Variants in CPO observed in about 807,000 individuals in gnomAD.
The protein encoded by CPO is metallocarboxypeptidase C.
Under a neutral mutation model 41.2 loss-of-function variants are expected in CPO, and 43 were observed. That is an observed-to-expected ratio of 1.04 (90% CI 0.82 to 1.35). The LOEUF (loss-of-function observed/expected upper bound fraction) is 1.35. Among genes scored for constraint, CPO ranks in the 40% most tolerant of loss-of-function variants. The pLI is 0.00. For missense variants in CPO, 408 were observed against 451.7 expected (o/e 0.90, Z 0.88); for synonymous variants, 178 against 162.7 (o/e 1.09, Z -0.72).
chr2:206,958,163 G>T (rs1265631753), intron 3 of CPO, 138 bp from the exon 4 acceptor site: 3 of 559,234 alleles, frequency 5.4e-6, no homozygotes, highest in Non-Finnish European at 9.5e-6. Flanking sequence ...TGTCTCATTA[G>T]CATCCTTGCC....
At chr2:206,948,314 A>G (rs190509360) in intron 1 of CPO, among the ~76,000 whole-genome samples, 2 of 152,358 alleles carry the variant, frequency 1.3e-5, no homozygotes, top group South Asian at 2.1e-4. Flanking sequence ...CTATTCAGTG[A>G]AAGAAGTCAA....
chr2:206,968,497 G>A, intron 8 of CPO, 150 bp downstream of exon 8: 2 of 634,094 alleles, frequency 3.2e-6, no homozygotes, highest in South Asian at 1.9e-5. Flanking sequence ...ATAAAAGGGA[G>A]TCTGTACAAA....
chr2:206,943,677 TAGA>T (rs1317958033), intron 1 of CPO, among the ~76,000 whole-genome samples: 9 of 62,536 alleles, frequency 1.4e-4, no homozygotes, highest in African/African-American at 6.5e-4. Flanking sequence ...AGATAGATGA[TAGA>T]TAGATAGATA....
At chr2:206,963,049 C>G (rs1693510320) in intron 7 of CPO, among the ~76,000 whole-genome samples, 1 of 152,230 alleles carries the variant, frequency 6.6e-6, no homozygotes, top group African/African-American at 2.4e-5. Context: ...GCTCTCTTCT[C>G]TGCTAAACAC....
In CPO at chr2:206,959,702, A is replaced by T. The variant is rs142929808; in HGVS notation, c.444A>T (p.Pro148=). 4.5e-6 allele frequency: 7 copies of T among 1,569,328 alleles called. No individual in the cohort carries two copies. Among genetic ancestry groups the T allele is most frequent in the Non-Finnish European group, 6.1e-6 (7 of 1,139,342 alleles). Residue 148 remains proline, a synonymous_variant, in exon 5 of 9, where the codon CCA becomes CCT. Transcript: ENST00000272852. The stretch of plus-strand genomic sequence containing the variant: ...GGAACCTGGACTTCTATGTCCTTCC[A>T]GTTCTTAACATAGATGGTTATATCT... ...LLRNLDFYVL[P]VLNIDGYIYT... is the part of the protein sequence containing the mutation.
At chr2:206,966,501 T>C (rs1249113974) in intron 7 of CPO, among the ~76,000 whole-genome samples, 1 of 152,150 alleles carries the variant, frequency 6.6e-6, no homozygotes, top group Non-Finnish European at 1.5e-5. Flanking sequence ...GCAGCTACCC[T>C]GAATCCTGCC....
At chr2:206,959,442 C>G (rs866240604) in intron 4 of CPO, among the ~76,000 whole-genome samples, 189 bp from the exon 5 acceptor site, 1 of 152,052 alleles carries the variant, frequency 6.6e-6, no homozygotes, top group African/African-American at 2.4e-5. Context: ...CTTAACAGGT[C>G]CCTCAGTGAT....
At chr2:206,961,329 A>G (rs1381522882) in intron 6 of CPO, among the ~76,000 whole-genome samples, 2 of 152,176 alleles carry the variant, frequency 1.3e-5, no homozygotes, top group Non-Finnish European at 2.9e-5. Context: ...TCCTTATGGC[A>G]TTTTCATGTT....
rs182170608 is a variant in CPO, at chr2:206,948,811, C to A, written c.69-806C>A. ...TTATACTGTAATGGTAAATATGTGT[C>A]ACCAAACATATGTCAGAATCCATTC... is the stretch of plus-strand genomic sequence containing the variant. On this transcript the variant is annotated intron_variant, in intron 1 of 8. Transcript: ENST00000272852. Among the ~76,000 whole-genome samples the A allele has an allele frequency of 2.1e-3, 325 of 152,234 alleles. 1 individual carries two copies. The highest frequency in any genetic ancestry group is 7.6e-3 in the African/African-American group (316 of 41,548).
In CPO at chr2:206,958,406, G is replaced by T. The variant is rs566620111; in HGVS notation, c.372+1G>T. The T allele has an allele frequency of 6.5e-7, 1 of 1,549,420 alleles. No individual in the cohort carries two copies. The highest frequency in any genetic ancestry group is 1.7e-5 in the Admixed American group (1 of 57,874). On this transcript the variant is annotated splice_donor_variant, in intron 4 of 8. Transcript: ENST00000272852. LOFTEE classifies it high-confidence loss of function. ...TTTTTGCCAATGGTTCGTCAAAGAA[G>T]TAAGTGTCTTTAGCTTTCTCATACT... is the stretch of plus-strand genomic sequence containing the variant.
intron 7 of CPO, among the ~76,000 whole-genome samples, chr2:206,965,997 G>T (rs1055282922): frequency 1.5e-4 from 23 of 152,050 alleles, no homozygotes; most frequent in African/African-American, 5.3e-4. Flanking sequence ...GCTAAGCTGA[G>T]GATCACAACT....
chr2:206,962,149 T>C (rs1448965634), intron 6 of CPO, among the ~76,000 whole-genome samples: 2 of 152,038 alleles, frequency 1.3e-5, no homozygotes, highest in African/African-American at 2.4e-5. Context: ...CATTTCATTT[T>C]GTATCCCCTT....
At chr2:206,967,353 A>C (rs200473959) in intron 7 of CPO, among the ~76,000 whole-genome samples, 3 of 103,914 alleles carry the variant, frequency 2.9e-5, no homozygotes, top group Non-Finnish European at 5.8e-5. Context: ...ATATATATAG[A>C]TATATAGATA....
intron 7 of CPO, among the ~76,000 whole-genome samples, chr2:206,964,511 T>C (rs937008247): frequency 9.9e-5 from 15 of 152,202 alleles, no homozygotes; most frequent in Admixed American, 2.6e-4. Flanking sequence ...CTAGAACTCA[T>C]GTCTTTAGAC....
chr2:206,964,289 G>T (rs1487556079), intron 7 of CPO, among the ~76,000 whole-genome samples: 1 of 152,066 alleles, frequency 6.6e-6, no homozygotes, highest in East Asian at 1.9e-4. Flanking sequence ...TTCTTTTCTT[G>T]GTCCAGGAAC....
At chr2:206,950,914 C>T (rs1025144553) in intron 2 of CPO, among the ~76,000 whole-genome samples, 11 of 102,184 alleles carry the variant, frequency 1.1e-4, no homozygotes, top group East Asian at 6.1e-4. Context: ...CATCACACAC[C>T]GGGGCCAGTT....
chr2:206,962,608 A>T lies in CPO; in HGVS notation c.771A>T (p.Pro257=). 6.2e-7 allele frequency: 1 copy of T among 1,613,774 alleles called. No individual in the cohort carries two copies. The highest frequency in any genetic ancestry group is 8.5e-7 in the Non-Finnish European group (1 of 1,179,648). ...GYTKNKSSNH[P]EMIQVGQKAA... ...CCAAAAATAAATCAAGTAACCACCC[A>T]GAAATGGTGAGTCCATAGCACCAAG... The change falls in exon 7 of 9, where the codon CCA becomes CCT. Residue 257 remains proline, a synonymous_variant. Transcript: ENST00000272852.
chr2:206,964,551 C>G (rs1004735212), intron 7 of CPO, among the ~76,000 whole-genome samples: 5 of 152,168 alleles, frequency 3.3e-5, no homozygotes, highest in Non-Finnish European at 5.9e-5. Flanking sequence ...ATCCCACTAC[C>G]TCGCACGCCT....
chr2:206,950,951 G>C (rs1028945909), intron 2 of CPO, among the ~76,000 whole-genome samples: 1 of 151,862 alleles, frequency 6.6e-6, no homozygotes, highest in Admixed American at 6.6e-5. Context: ...CCTGGGGGAG[G>C]GATAGCATTA....
Sources: allele counts gnomAD v4.1 joint callset (sites outside exome capture counted in the v4.1 genomes callset), GRCh38; gene constraint gnomAD v4.1.1; transcripts MANE v1.5; gene names NCBI Gene and HGNC (gene_info 2026-07-23, HGNC 2026-07-21).